Variants in CTNND2 observed in about 807,000 individuals in gnomAD.
CTNND2 encodes catenin delta-2.
Under a neutral mutation model 144.4 loss-of-function variants are expected in CTNND2, and 22 were observed. The observed-to-expected ratio is 0.15, with a 90% confidence interval of 0.11 to 0.22. The LOEUF is 0.22. Ranked by LOEUF, CTNND2 falls within the 10% of genes least tolerant of loss-of-function variation. The probability of loss-of-function intolerance (pLI) is 1.00; values close to 1 mark genes in which losing one functional copy is unlikely to be tolerated. For synonymous variants in CTNND2, 751 were observed against 695.6 expected, an observed-to-expected ratio of 1.08 and a Z score of -1.25; for missense variants, 1,353 against 1,618.8, an observed-to-expected ratio of 0.84 and a Z score of 2.82.
In CTNND2 at chr5:11,218,236, G is replaced by A. The variant is rs71599564; in HGVS notation, c.1761+18455C>T. ...GGTAGCATCAGGGAAATATTTTTTC[G>A]TCAGTTGACAAATATCCCTGATTCT... On this transcript the variant is annotated intron_variant, in intron 10 of 21. Transcript: ENST00000304623. Among the ~76,000 whole-genome samples, 240 of 151,842 alleles carry A rather than the reference G, an allele frequency of 1.6e-3. 5 individuals carry two copies. Among genetic ancestry groups the A allele is most frequent in the South Asian group, 0.014 (66 of 4,794 alleles).
chr5:11,104,503 G>A (rs773811246), intron 14 of CTNND2, among the ~76,000 whole-genome samples: 22 of 152,140 alleles, frequency 1.4e-4, no homozygotes, highest in Non-Finnish European at 1.5e-5. Context: ...GAACAGCAGA[G>A]TTATTACATA....
At chr5:11,077,306 G>C (rs548120245) in intron 16 of CTNND2, among the ~76,000 whole-genome samples, 1 of 152,242 alleles carries the variant, frequency 6.6e-6, no homozygotes, top group Admixed American at 6.5e-5. Context: ...GGTAATTGGG[G>C]CTGTGGAGAA....
intron 1 of CTNND2, among the ~76,000 whole-genome samples, chr5:11,736,741 G>C (rs1303568668): frequency 1.8e-4 from 27 of 152,146 alleles, no homozygotes; most frequent in Admixed American, 1.6e-3. Flanking sequence ...GAAGTATAGA[G>C]AAATAAAAAG....
chr5:11,871,853 A>C (rs1010896314), intron 1 of CTNND2, among the ~76,000 whole-genome samples: 1 of 152,176 alleles, frequency 6.6e-6, no homozygotes, highest in African/African-American at 2.4e-5. Context: ...AAATGATTAC[A>C]TAGTTTTAGG....
chr5:11,385,975 C>G (rs1046708483), intron 6 of CTNND2: 2 of 152,326 alleles, frequency 1.3e-5, no homozygotes. Flanking sequence ...CTTTCTCTCT[C>G]TAGCTCCCTT....
At chr5:11,359,324 G>A (rs932339669) in intron 8 of CTNND2, among the ~76,000 whole-genome samples, 1 of 152,156 alleles carries the variant, frequency 6.6e-6, no homozygotes, top group African/African-American at 2.4e-5. Flanking sequence ...TAGGGGGATG[G>A]TCATGTAAAA....
intron 3 of CTNND2, among the ~76,000 whole-genome samples, chr5:11,418,275 G>A (rs954163648): frequency 3.3e-5 from 5 of 152,142 alleles, no homozygotes; most frequent in Non-Finnish European, 4.4e-5. Flanking sequence ...GCGTGGTGGC[G>A]CATGCCTGTA....
rs1168684301 is a variant in CTNND2, at chr5:11,129,023, TA to T, written c.2160-11457del. ...TATATAAATATATATTATATATAAA[TA>T]AAAAATATAAATATATATTATATAT... On this transcript the variant is annotated intron_variant, in intron 12 of 21. Coordinates refer to ENST00000304623, the MANE Select transcript of CTNND2 (RefSeq NM_001332.4). Among the ~76,000 whole-genome samples the T allele has an allele frequency of 1.2e-3, 27 of 22,382 alleles. 4 individuals carry two copies. The highest frequency in any genetic ancestry group is 1.4e-3 in the South Asian group (1 of 702). 14.7% of individuals were successfully genotyped at this position (22,382 alleles called of 152,430 possible).
intron 3 of CTNND2, among the ~76,000 whole-genome samples, chr5:11,563,017 G>A (rs1484767540): frequency 1.3e-5 from 2 of 152,150 alleles, no homozygotes; most frequent in Admixed American, 6.5e-5. Context: ...GGCCACCATT[G>A]CCAAGCACCC....
intron 11 of CTNND2, among the ~76,000 whole-genome samples, chr5:11,167,908 G>A (rs540587229): frequency 7.6e-5 from 11 of 143,980 alleles, no homozygotes; most frequent in Non-Finnish European, 1.5e-4. Context: ...GTCTTACTAT[G>A]TTGTTCAGCC....
intron 9 of CTNND2, among the ~76,000 whole-genome samples, chr5:11,342,296 A>C (rs115591958): frequency 3.3e-5 from 5 of 152,248 alleles, no homozygotes; most frequent in African/African-American, 9.6e-5. Context: ...AAATGTATAC[A>C]TAATTCCTTA....
chr5:11,027,694 C>T (rs1192355438), intron 16 of CTNND2, among the ~76,000 whole-genome samples: 2 of 152,134 alleles, frequency 1.3e-5, no homozygotes, highest in Non-Finnish European at 2.9e-5. Flanking sequence ...TCTTGAAAAA[C>T]TGCAAGTAAA....
chr5:11,834,635 C>A (rs1794076090), intron 1 of CTNND2, among the ~76,000 whole-genome samples: 1 of 152,142 alleles, frequency 6.6e-6, no homozygotes, highest in Non-Finnish European at 1.5e-5. Flanking sequence ...AATACACAAA[C>A]ACCTATATTC....
intron 1 of CTNND2, among the ~76,000 whole-genome samples, chr5:11,857,964 T>G (rs1407008435): frequency 6.6e-6 from 1 of 152,192 alleles, no homozygotes; most frequent in Non-Finnish European, 1.5e-5. Context: ...GCACAGAAAC[T>G]GTGGGTTCCT....
chr5:11,025,649 A>G (rs1448348718), intron 16 of CTNND2, among the ~76,000 whole-genome samples: 1 of 152,242 alleles, frequency 6.6e-6, no homozygotes, highest in Non-Finnish European at 1.5e-5. Context: ...GTTTCAGAAT[A>G]GTAAAACTGA....
intron 7 of CTNND2, among the ~76,000 whole-genome samples, chr5:11,380,752 A>G (rs80050270): frequency 0.014 from 2,173 of 152,316 alleles, 29 homozygotes; most frequent in South Asian, 0.034. Context: ...GGAAGATCCA[A>G]TGCAAACTGT....
intron 7 of CTNND2, among the ~76,000 whole-genome samples, chr5:11,369,274 G>A (rs1757249033): frequency 6.6e-6 from 1 of 152,108 alleles, no homozygotes; most frequent in South Asian, 2.1e-4. Context: ...AAAGGAATAG[G>A]GCATAAATTA....
chr5:11,679,021 A>G (rs113895677), intron 2 of CTNND2, among the ~76,000 whole-genome samples: 3,607 of 152,018 alleles, frequency 0.024, 43 homozygotes, highest in East Asian at 0.056. Flanking sequence ...CAAACATTGC[A>G]ATCTCAGAGG....
chr5:11,312,027 C>T (rs192817456), intron 9 of CTNND2, among the ~76,000 whole-genome samples: 200 of 150,392 alleles, frequency 1.3e-3, no homozygotes, highest in Middle Eastern at 3.4e-3. Context: ...TACACCTTCA[C>T]CCCACACACA....
Sources: allele counts gnomAD v4.1 joint callset (sites outside exome capture counted in the v4.1 genomes callset), GRCh38; gene constraint gnomAD v4.1.1; transcripts MANE v1.5; gene names NCBI Gene and HGNC (gene_info 2026-07-23, HGNC 2026-07-21).